The following MAGI2 variants were observed in gnomAD, a reference collection of about 807,000 sequenced individuals.
MAGI2 encodes membrane-associated guanylate kinase, WW and PDZ domain-containing protein 2.
In MAGI2, 35 loss-of-function variants were observed where a neutral mutation model predicts 133.3. The observed-to-expected ratio is 0.26, with a 90% confidence interval of 0.20 to 0.35. The LOEUF is 0.35. Ranked by LOEUF, MAGI2 falls within the 10% of genes least tolerant of loss-of-function variation. The pLI is 1.00. For synonymous variants in MAGI2, 729 were observed against 710.6 expected (o/e 1.03, Z -0.41); for missense variants, 1,636 against 1,863.4 (o/e 0.88, Z 2.25).
At chr7:78,484,992 T>G (rs1359014931) in intron 6 of MAGI2, 2 of 151,938 alleles carry the variant, frequency 1.3e-5, no homozygotes, top group African/African-American at 4.8e-5. Flanking sequence ...TTTAATAACA[T>G]TTCAACGTTA....
chr7:78,748,558 C>T (rs886879821), intron 2 of MAGI2, among the ~76,000 whole-genome samples: 7 of 152,114 alleles, frequency 4.6e-5, no homozygotes, highest in Non-Finnish European at 8.8e-5. Context: ...TGATATAAAT[C>T]CTATGTTATT....
At chr7:78,452,474 ACTAT>A (rs1446169346) in intron 6 of MAGI2, among the ~76,000 whole-genome samples, 4 of 152,182 alleles carry the variant, frequency 2.6e-5, no homozygotes, top group East Asian at 1.9e-4. Context: ...AGAACACTAT[ACTAT>A]CTATGTGCTA....
chr7:78,060,254 C>CCG (rs3084736), intron 21 of MAGI2, among the ~76,000 whole-genome samples: 46,618 of 134,800 alleles, frequency 0.35, 8,109 homozygotes, highest in East Asian at 0.48. Context: ...ACCCCCCCCC[C>CCG]TCTTTAGATT....
intron 4 of MAGI2, among the ~76,000 whole-genome samples, chr7:78,512,828 T>C (rs1795720221): frequency 6.6e-6 from 1 of 152,152 alleles, no homozygotes; most frequent in Admixed American, 6.5e-5. Context: ...AAAAGAACAA[T>C]ATGGAAAATT....
chr7:78,660,082 T>C (rs1157005375), intron 2 of MAGI2, among the ~76,000 whole-genome samples: 2 of 124,372 alleles, frequency 1.6e-5, no homozygotes, highest in Non-Finnish European at 3.1e-5. Context: ...TGAGAACACT[T>C]GGACACAGGA....
At chr7:78,294,034 C>T (rs963086073) in intron 9 of MAGI2, among the ~76,000 whole-genome samples, 1 of 152,020 alleles carries the variant, frequency 6.6e-6, no homozygotes, top group Non-Finnish European at 1.5e-5. Flanking sequence ...AAATGTAATA[C>T]ACCTGCACAT....
intron 9 of MAGI2, among the ~76,000 whole-genome samples, chr7:78,282,909 C>T (rs1221344842): frequency 6.6e-6 from 1 of 151,980 alleles, no homozygotes; most frequent in Admixed American, 6.6e-5. Flanking sequence ...TTTATGTTAA[C>T]AATGAGCTAT....
chr7:78,566,051 A>G (rs890083320), intron 3 of MAGI2, among the ~76,000 whole-genome samples: 16 of 152,178 alleles, frequency 1.1e-4, no homozygotes, highest in African/African-American at 3.9e-4. Context: ...GCTGAAAATG[A>G]GCTGACATTT....
At chr7:78,574,277 G>A (rs753361313) in intron 3 of MAGI2, among the ~76,000 whole-genome samples, 74 of 152,266 alleles carry the variant, frequency 4.9e-4, no homozygotes, top group Non-Finnish European at 8.4e-4. Flanking sequence ...CTTACCACAG[G>A]CTTTCACATT....
intron 6 of MAGI2, among the ~76,000 whole-genome samples, chr7:78,412,458 C>A (rs1797954272): frequency 6.6e-6 from 1 of 152,014 alleles, no homozygotes; most frequent in Non-Finnish European, 1.5e-5. Flanking sequence ...TGGGTGACAT[C>A]TGAGCTGTGC....
At chr7:79,061,682 G>A (rs1206841181) in intron 1 of MAGI2, among the ~76,000 whole-genome samples, 1 of 152,106 alleles carries the variant, frequency 6.6e-6, no homozygotes, top group East Asian at 1.9e-4. Context: ...GCCAATAACA[G>A]TAGATCGAAA....
intron 3 of MAGI2, among the ~76,000 whole-genome samples, chr7:78,527,879 A>T (rs545005299): frequency 6.6e-6 from 1 of 152,326 alleles, no homozygotes; most frequent in South Asian, 2.1e-4. Flanking sequence ...AGATCCTTCC[A>T]TATGGCTCCC....
At chr7:78,332,437 G>A (rs1328564083) in intron 9 of MAGI2, among the ~76,000 whole-genome samples, 10 of 152,172 alleles carry the variant, frequency 6.6e-5, no homozygotes, top group African/African-American at 2.4e-4. Flanking sequence ...AGTGGCTCAC[G>A]CCTGTAATCC....
At chr7:78,368,670 T>C (rs766565901) in intron 7 of MAGI2, among the ~76,000 whole-genome samples, 3 of 152,028 alleles carry the variant, frequency 2.0e-5, no homozygotes, top group Non-Finnish European at 4.4e-5. Context: ...TAACCTCCAA[T>C]AGGTAACATA....
chr7:78,475,914 G>A (rs1563055653), intron 6 of MAGI2, among the ~76,000 whole-genome samples: 2 of 151,784 alleles, frequency 1.3e-5, no homozygotes, highest in South Asian at 2.1e-4. Flanking sequence ...CTCGGAACAT[G>A]CCTGGGTTCA....
At chr7:78,452,336 C>T (rs1026880731) in intron 6 of MAGI2, among the ~76,000 whole-genome samples, 18 of 151,654 alleles carry the variant, frequency 1.2e-4, no homozygotes, top group South Asian at 4.2e-4. Flanking sequence ...TGGTAATAAC[C>T]GGGGAAGTGA....
intron 2 of MAGI2, among the ~76,000 whole-genome samples, chr7:78,983,475 A>C (rs1225958902): frequency 2.0e-5 from 3 of 151,942 alleles, no homozygotes; most frequent in Admixed American, 6.6e-5. Flanking sequence ...GGGATATTAC[A>C]ATAGTACTTT....
chr7:78,764,295 CTTCT>C (rs543911695), intron 2 of MAGI2, among the ~76,000 whole-genome samples: 15 of 151,724 alleles, frequency 9.9e-5, no homozygotes, highest in South Asian at 4.1e-4. Flanking sequence ...TGACAGAAAA[CTTCT>C]TTGAGATTAC....
chr7:78,377,105 G>C (rs967525851), intron 6 of MAGI2, among the ~76,000 whole-genome samples: 2 of 152,020 alleles, frequency 1.3e-5, no homozygotes, highest in Admixed American at 6.6e-5. Context: ...CTCTATTATA[G>C]TGTAAAGGCT....
Sources: gnomAD v4.1 joint callset for allele counts (sites outside exome capture counted in the v4.1 genomes callset) on GRCh38, gnomAD v4.1.1 for gene constraint, MANE v1.5 for transcripts, NCBI Gene and HGNC (gene_info 2026-07-23, HGNC 2026-07-21) for gene names.